Variants in RAB11FIP4 observed in about 807,000 individuals in gnomAD.
RAB11FIP4 encodes the protein RAB11 family interacting protein 4.
Under a neutral mutation model 74.3 loss-of-function variants are expected in RAB11FIP4, and 23 were observed. The observed-to-expected ratio is 0.31, with a 90% CI of 0.22 to 0.44. The LOEUF (loss-of-function observed/expected upper bound fraction) is 0.44. Ranked by LOEUF, RAB11FIP4 falls within the 20% of genes least tolerant of loss-of-function variation. The probability of loss-of-function intolerance (pLI) is 1.00; values close to 1 mark genes in which losing one functional copy is unlikely to be tolerated. For missense variants in RAB11FIP4, 630 were observed against 863.9 expected, an observed-to-expected ratio of 0.73 and a Z score of 3.39; for synonymous variants, 360 against 359.9, an observed-to-expected ratio of 1.00 and a Z score of 0.00.
At chr17:31,475,799 G>GT (rs11451772) in intron 3 of RAB11FIP4, among the ~76,000 whole-genome samples, 104,855 of 142,036 alleles carry the variant, frequency 0.74, 38,489 homozygotes, top group East Asian at 0.91. Context: ...TTTTTGTGTG[G>GT]TTTTTTTTTT....
chr17:31,434,206 GAGGA>G, intron 3 of RAB11FIP4, 84 bp downstream of exon 3: 4 of 1,168,888 alleles, frequency 3.4e-6, no homozygotes, highest in Non-Finnish European at 4.9e-6. Context: ...CAGTATCTGG[GAGGA>G]CCCAGAACCT....
intron 1 of RAB11FIP4, among the ~76,000 whole-genome samples, chr17:31,408,725 A>C (rs1293058013): frequency 6.6e-6 from 1 of 152,234 alleles, no homozygotes; most frequent in East Asian, 1.9e-4. Context: ...CGGGGTGGGC[A>C]CAGGAGACAT....
At chr17:31,453,796 A>C (rs1281966573) in intron 3 of RAB11FIP4, among the ~76,000 whole-genome samples, 1 of 149,954 alleles carries the variant, frequency 6.7e-6, no homozygotes, top group Non-Finnish European at 1.5e-5. Flanking sequence ...TCGTCTCAAA[A>C]AAAAAAAAAA....
chr17:31,392,124 C>G, intron 1 of RAB11FIP4, 113 bp downstream of exon 1: 3 of 788,992 alleles, frequency 3.8e-6, no homozygotes, highest in South Asian at 5.7e-5. Context: ...GCCTCCCTCC[C>G]AATCCCCTCC....
At chr17:31,422,760 C>G (rs1447857343) in intron 1 of RAB11FIP4, among the ~76,000 whole-genome samples, 2 of 151,942 alleles carry the variant, frequency 1.3e-5, no homozygotes, top group Non-Finnish European at 2.9e-5. Flanking sequence ...TTTTTTCTAG[C>G]ATCTATTTTT....
chr17:31,530,514 G>A lies in RAB11FIP4; in HGVS notation c.1797+45G>A, dbSNP rs1478956433. 2.5e-6 allele frequency: 4 copies of A among 1,595,720 alleles called. No homozygotes were observed. The East Asian group carries it at 9.0e-5, about 36-fold the overall frequency. ...TTGCTTTGGGGCCTGGCCGCCCTCT[G>A]TGATTCCTTCTCCCGGCCCCCACCT... is the stretch of plus-strand genomic sequence containing the variant. On this transcript the variant is annotated intron_variant, in intron 14 of 14. Coordinates refer to ENST00000621161, the MANE Select transcript of RAB11FIP4 (RefSeq NM_032932.6).
intron 1 of RAB11FIP4, among the ~76,000 whole-genome samples, chr17:31,406,743 TA>T (rs1434664190): frequency 1.3e-5 from 2 of 152,358 alleles, no homozygotes; most frequent in Non-Finnish European, 2.9e-5. Flanking sequence ...CCCTTTATTT[TA>T]AAGTCAGTTC....
chr17:31,516,168 G>A (rs2072542420), intron 3 of RAB11FIP4, among the ~76,000 whole-genome samples: 1 of 151,982 alleles, frequency 6.6e-6, no homozygotes, highest in Non-Finnish European at 1.5e-5. Flanking sequence ...AGACAACTGA[G>A]GTTCAGAGGT....
At chr17:31,499,296 A>T (rs2072173801) in intron 3 of RAB11FIP4, among the ~76,000 whole-genome samples, 2 of 152,174 alleles carry the variant, frequency 1.3e-5, no homozygotes, top group Admixed American at 1.3e-4. Context: ...AGGATACTTC[A>T]GGGGAAAGTG....
intron 3 of RAB11FIP4, chr17:31,488,347 C>T (rs767777495): frequency 8.8e-7 from 1 of 1,131,450 alleles, no homozygotes; most frequent in Non-Finnish European, 1.1e-6. Context: ...CCCGCGGCCC[C>T]GGGAAGTTGG....
At chr17:31,445,549 T>C (rs1244858108) in intron 3 of RAB11FIP4, among the ~76,000 whole-genome samples, 2 of 10,616 alleles carry the variant, frequency 1.9e-4, no homozygotes, top group African/African-American at 5.8e-4. Flanking sequence ...TATATATATA[T>C]ATATATATAT....
chr17:31,402,043 A>G (rs2070991590), intron 1 of RAB11FIP4, among the ~76,000 whole-genome samples: 1 of 151,998 alleles, frequency 6.6e-6, no homozygotes, highest in Non-Finnish European at 1.5e-5. Flanking sequence ...ATATATACCC[A>G]ACCATGTACC....
chr17:31,491,355 T>C (rs556250845), intron 3 of RAB11FIP4, among the ~76,000 whole-genome samples: 9 of 152,246 alleles, frequency 5.9e-5, no homozygotes, highest in Admixed American at 2.0e-4. Context: ...GATACAGCAG[T>C]GAACAAAACA....
chr17:31,462,222 T>A (rs1406041914), intron 3 of RAB11FIP4, among the ~76,000 whole-genome samples: 4 of 151,396 alleles, frequency 2.6e-5, no homozygotes, highest in African/African-American at 9.7e-5. Flanking sequence ...GCCGAGATCG[T>A]GCCACCACAC....
chr17:31,466,765 A>G (rs1393241576), intron 3 of RAB11FIP4, among the ~76,000 whole-genome samples: 1 of 152,184 alleles, frequency 6.6e-6, no homozygotes, highest in Admixed American at 6.5e-5. Flanking sequence ...AGGAAGGCAG[A>G]GTCTATGGAA....
rs9911071 is a variant in RAB11FIP4 at position 31,533,751 on chromosome 17, C to T, written c.*2019C>T. 0.071 allele frequency: 10,826 copies of T among 152,270 alleles called. 741 individuals are homozygous for T. The highest frequency in any genetic ancestry group is 0.18 in the African/African-American group (7,498 of 41,516). 9.4% of individuals were successfully genotyped at this position (152,270 alleles called of 1,614,324 possible). A position where few individuals can be genotyped will look rare whatever the true frequency, so the allele number is the denominator to read the frequency against. ...GAATCTCTGCCACGGGAAAGGTGGG[C>T]GGAAGCAGCTGGCAGCCTGGGGCGT... On this transcript the variant is annotated 3_prime_UTR_variant, in exon 15 of 15. Coordinates refer to ENST00000621161, the MANE Select transcript of RAB11FIP4 (RefSeq NM_032932.6).
chr17:31,509,731 GC>G (rs1337640782), intron 3 of RAB11FIP4, among the ~76,000 whole-genome samples: 3 of 152,196 alleles, frequency 2.0e-5, no homozygotes, highest in Non-Finnish European at 4.4e-5. Flanking sequence ...AGTCCCCGGG[GC>G]TGGCTGAGGT....
At chr17:31,393,970 T>A (rs2151611284) in intron 1 of RAB11FIP4, among the ~76,000 whole-genome samples, 1 of 152,246 alleles carries the variant, frequency 6.6e-6, no homozygotes, top group Non-Finnish European at 1.5e-5. Flanking sequence ...GGGCTGCCTC[T>A]GAATGGGGCA....
Position 31,431,750 on chromosome 17 carries a change from A to C in RAB11FIP4, c.160-63A>C, listed in dbSNP as rs1220326044. ...TCCCTCCCTCCCAGCCTCCCCACCC[A>C]GCTCCCTGAGTCTTCGGGAGATCCT... On this transcript the variant is annotated intron_variant, in intron 1 of 14. Coordinates refer to ENST00000621161, the MANE Select transcript of RAB11FIP4 (RefSeq NM_032932.6). The C allele has an allele frequency of 1.0e-5, 6 of 577,464 alleles. No individual in the cohort carries two copies. The East Asian group carries it at 3.5e-4, about 34-fold the overall frequency. 35.8% of individuals were successfully genotyped at this position (577,464 alleles called of 1,614,324 possible).
Sources: allele counts gnomAD v4.1 joint callset (sites outside exome capture counted in the v4.1 genomes callset), GRCh38; gene constraint gnomAD v4.1.1; transcripts MANE v1.5; gene names NCBI Gene and HGNC (gene_info 2026-07-23, HGNC 2026-07-21).